PLCB1: variants seen among roughly 807,000 people sequenced by gnomAD.
The protein encoded by PLCB1 is 1-phosphatidylinositol 4,5-bisphosphate phosphodiesterase beta-1.
In PLCB1, 46 loss-of-function variants were observed where a neutral mutation model predicts 161.8. That is an observed-to-expected ratio of 0.28 (90% CI 0.22 to 0.36). The LOEUF (loss-of-function observed/expected upper bound fraction) is 0.36, where lower values mean the gene tolerates loss of function less well. PLCB1 is among the 10% of genes least tolerant of loss of function. The pLI is 1.00. For synonymous variants in PLCB1, 517 were observed against 503.7 expected, an observed-to-expected ratio of 1.03 and a Z score of -0.35; for missense variants, 1,016 against 1,472.5, an observed-to-expected ratio of 0.69 and a Z score of 5.07.
intron 2 of PLCB1, among the ~76,000 whole-genome samples, chr20:8,191,559 C>T (rs780917068): frequency 3.9e-5 from 6 of 151,956 alleles, no homozygotes; most frequent in Non-Finnish European, 8.8e-5. Context: ...CATAATGGTG[C>T]ATACTACTAT....
intron 3 of PLCB1, among the ~76,000 whole-genome samples, chr20:8,432,387 C>A (rs1048593117): frequency 6.6e-6 from 1 of 151,758 alleles, no homozygotes; most frequent in Non-Finnish European, 1.5e-5. Context: ...CTCTTCCCAC[C>A]TGGCTGTCTC....
chr20:8,296,430 G>C (rs1222433178), intron 2 of PLCB1, among the ~76,000 whole-genome samples: 1 of 152,166 alleles, frequency 6.6e-6, no homozygotes, highest in Non-Finnish European at 1.5e-5. Context: ...ACAAGGACAA[G>C]TATATGCCCT....
intron 3 of PLCB1, among the ~76,000 whole-genome samples, chr20:8,391,822 T>TACAC (rs1568658952): frequency 1.7e-4 from 17 of 102,918 alleles, no homozygotes; most frequent in African/African-American, 5.9e-4. Context: ...TATATATATA[T>TACAC]ATACACACAC....
At chr20:8,566,581 T>C (rs1276260381) in intron 3 of PLCB1, among the ~76,000 whole-genome samples, 1 of 152,174 alleles carries the variant, frequency 6.6e-6, no homozygotes, top group Non-Finnish European at 1.5e-5. Flanking sequence ...TTCCATGGAA[T>C]ATGTTCCAGC....
Position 8,354,643 on chromosome 20 carries a change from C to T in PLCB1, c.178-16739C>T, listed in dbSNP as rs1353422643. On this transcript the variant is annotated intron_variant, in intron 2 of 31. Coordinates refer to ENST00000338037, the MANE Select transcript of PLCB1 (RefSeq NM_015192.4). ...AGTGGAGGCTCTGATACACTTTGGC[C>T]CCGAATACTGGCCCTCTGAGCGGAG... Among the ~76,000 whole-genome samples, 10 of 152,220 alleles carry T rather than the reference C, an allele frequency of 6.6e-5. No individual in the cohort carries two copies. In the South Asian group the frequency reaches 1.7e-3, roughly 25 times the overall value.
At chr20:8,718,762 C>A (rs1979468774) in intron 14 of PLCB1, among the ~76,000 whole-genome samples, 1 of 152,154 alleles carries the variant, frequency 6.6e-6, no homozygotes, top group African/African-American at 2.4e-5. Flanking sequence ...ATTATTCTGG[C>A]TACCATGTAA....
rs11323589 is a variant in PLCB1, at chr20:8,417,449, G to GT, written c.246+46011dup. The stretch of plus-strand genomic sequence containing the variant: ...GACTCTGTTGTACCAATAATTCAGG[G>GT]TTTTTTTTTTTTAGTTCTAGGTAAA... On this transcript the variant is annotated intron_variant, in intron 3 of 31. Coordinates refer to ENST00000338037, the MANE Select transcript of PLCB1 (RefSeq NM_015192.4). Among the ~76,000 whole-genome samples the GT allele has an allele frequency of 3.8e-3, 552 of 145,446 alleles. 5 individuals carry two copies. Among genetic ancestry groups the GT allele is most frequent in the African/African-American group, 0.012 (486 of 40,204 alleles).
intron 31 of PLCB1, among the ~76,000 whole-genome samples, chr20:8,795,854 G>A (rs766991086): frequency 2.1e-5 from 3 of 142,128 alleles, no homozygotes; most frequent in Admixed American, 7.3e-5. Flanking sequence ...AAGCCTGGGC[G>A]ACTGAGTGAG....
chr20:8,854,844 C>T (rs565761057), intron 31 of PLCB1, among the ~76,000 whole-genome samples: 1 of 152,362 alleles, frequency 6.6e-6, no homozygotes, highest in African/African-American at 2.4e-5. Flanking sequence ...AAGAAGCCTT[C>T]ACCGTTAGCC....
intron 2 of PLCB1, among the ~76,000 whole-genome samples, chr20:8,261,806 T>C (rs186599966): frequency 1.3e-3 from 204 of 152,284 alleles, no homozygotes; most frequent in Non-Finnish European, 2.6e-4. Flanking sequence ...CTTTTCTTCT[T>C]AAACCAAGAG....
At chr20:8,740,139 GA>G in intron 21 of PLCB1, among the ~76,000 whole-genome samples, 2 of 152,210 alleles carry the variant, frequency 1.3e-5, no homozygotes, top group Middle Eastern at 6.8e-3. Flanking sequence ...CATACGGTTG[GA>G]AAGGAAAAAA....
chr20:8,197,947 T>G (rs2123120187), intron 2 of PLCB1, among the ~76,000 whole-genome samples: 1 of 152,304 alleles, frequency 6.6e-6, no homozygotes. Flanking sequence ...TTTTGTCAGG[T>G]TTGTCAAAGA....
At chr20:8,687,861 C>T (rs1004161359) in intron 10 of PLCB1, among the ~76,000 whole-genome samples, 6 of 152,148 alleles carry the variant, frequency 3.9e-5, no homozygotes, top group Admixed American at 6.5e-5. Context: ...ATTAGTGGGA[C>T]GGCTGGATCA....
chr20:8,388,722 A>G (rs527289199), intron 3 of PLCB1, among the ~76,000 whole-genome samples: 1 of 152,258 alleles, frequency 6.6e-6, no homozygotes, highest in African/African-American at 2.4e-5. Flanking sequence ...TAAATGGAGC[A>G]AAATAGGGCT....
intron 3 of PLCB1, among the ~76,000 whole-genome samples, chr20:8,478,787 A>G (rs948605936): frequency 2.6e-5 from 4 of 152,180 alleles, no homozygotes; most frequent in African/African-American, 9.6e-5. Context: ...TAAAGGTTTT[A>G]TGAAATATCA....
chr20:8,791,288 T>A (rs1205189735), intron 31 of PLCB1, among the ~76,000 whole-genome samples: 1 of 152,186 alleles, frequency 6.6e-6, no homozygotes, highest in African/African-American at 2.4e-5. Flanking sequence ...TATAAACATA[T>A]AATGTAGATC....
intron 27 of PLCB1, among the ~76,000 whole-genome samples, chr20:8,776,823 G>A (rs1008801464): frequency 6.6e-6 from 1 of 152,142 alleles, no homozygotes; most frequent in African/African-American, 2.4e-5. Flanking sequence ...GGTAAAACAT[G>A]TAGTATGTTA....
chr20:8,822,303 T>A (rs1985470966), intron 31 of PLCB1, among the ~76,000 whole-genome samples: 1 of 152,194 alleles, frequency 6.6e-6, no homozygotes, highest in Non-Finnish European at 1.5e-5. Flanking sequence ...TAAATATTCA[T>A]CCAAAAGATA....
intron 31 of PLCB1, among the ~76,000 whole-genome samples, chr20:8,830,675 A>C (rs1007229272): frequency 5.3e-5 from 8 of 152,018 alleles, no homozygotes; most frequent in African/African-American, 1.9e-4. Context: ...TAAACTTTAC[A>C]GTTTTTTTTT....
Sources: gnomAD v4.1 joint callset for allele counts (sites outside exome capture counted in the v4.1 genomes callset) on GRCh38, gnomAD v4.1.1 for gene constraint, MANE v1.5 for transcripts, NCBI Gene and HGNC (gene_info 2026-07-23, HGNC 2026-07-21) for gene names.